GRM1: variants seen among roughly 807,000 people sequenced by gnomAD.
The protein encoded by GRM1 is metabotropic glutamate receptor 1.
In GRM1, 33 loss-of-function variants were observed where a neutral mutation model predicts 90.9. The observed-to-expected ratio is 0.36, with a 90% CI of 0.28 to 0.49. GRM1 has a LOEUF of 0.49. Ranked by LOEUF, GRM1 falls within the 20% of genes least tolerant of loss-of-function variation. The probability of loss-of-function intolerance (pLI) is 0.99; values close to 1 mark genes in which losing one functional copy is unlikely to be tolerated. For missense variants in GRM1, 1,190 were observed against 1,534.3 expected (o/e 0.78, Z 3.75); for synonymous variants, 700 against 613.2 (o/e 1.14, Z -2.09).
At chr6:146,254,771 A>G (rs1781425829) in intron 2 of GRM1, among the ~76,000 whole-genome samples, 1 of 152,224 alleles carries the variant, frequency 6.6e-6, no homozygotes, top group Admixed American at 6.5e-5. Flanking sequence ...TGTATATAAT[A>G]TTAGTACATT....
At chr6:146,329,034 GACCATCTGTT>G (rs1211127593) in intron 3 of GRM1, among the ~76,000 whole-genome samples, 1 of 152,094 alleles carries the variant, frequency 6.6e-6, no homozygotes, top group Non-Finnish European at 1.5e-5. Context: ...CACACCCTGG[GACCATCTGTT>G]ACCATCTGTT....
At chr6:146,239,954 C>G (rs1780792589) in intron 2 of GRM1, among the ~76,000 whole-genome samples, 1 of 152,094 alleles carries the variant, frequency 6.6e-6, no homozygotes, top group South Asian at 2.1e-4. Flanking sequence ...AGCACAAGCT[C>G]TTGGGTCACC....
chr6:146,268,647 C>A (rs1208301336), intron 2 of GRM1, among the ~76,000 whole-genome samples: 2 of 152,226 alleles, frequency 1.3e-5, no homozygotes, highest in African/African-American at 4.8e-5. Flanking sequence ...AGTCAGCTCA[C>A]ATACTACCTC....
intron 1 of GRM1, among the ~76,000 whole-genome samples, chr6:146,058,514 G>A (rs141507882): frequency 5.2e-4 from 79 of 152,214 alleles, no homozygotes; most frequent in Non-Finnish European, 9.6e-4. Context: ...TGGTGGCTGA[G>A]GTCTTGCCTT....
rs1775405789 is a variant in GRM1 at position 146,108,294 on chromosome 6, A to G, written c.701-51054A>G. On this transcript the variant is annotated intron_variant, in intron 1 of 7. Coordinates refer to ENST00000282753, the MANE Select transcript of GRM1 (RefSeq NM_001278064.2). ...TGTCCCCACCCTAATCTCATCTTGA[A>G]TTGTAACTCCCACAATTCCCATGTG... Among the ~76,000 whole-genome samples the G allele has an allele frequency of 2.0e-5, 3 of 152,188 alleles. No individual in the cohort carries two copies. The South Asian group carries it at 6.2e-4, about 31-fold the overall frequency.
chr6:146,260,333 A>T (rs1781643139), intron 2 of GRM1, among the ~76,000 whole-genome samples: 1 of 152,062 alleles, frequency 6.6e-6, no homozygotes, highest in South Asian at 2.1e-4. Flanking sequence ...ACATGAACTC[A>T]TCCTTTTTTA....
intron 3 of GRM1, among the ~76,000 whole-genome samples, chr6:146,323,556 A>T (rs978090312): frequency 2.0e-5 from 3 of 152,042 alleles, no homozygotes; most frequent in African/African-American, 7.2e-5. Context: ...GTTCACTCTG[A>T]TGGTAGTTTC....
At chr6:146,114,938 A>G (rs550577360) in intron 1 of GRM1, among the ~76,000 whole-genome samples, 27 of 152,256 alleles carry the variant, frequency 1.8e-4, no homozygotes, top group Non-Finnish European at 3.1e-4. Flanking sequence ...TACTGTGGAT[A>G]TAAGGTTTAT....
intron 7 of GRM1, among the ~76,000 whole-genome samples, chr6:146,423,984 C>CA (rs1177630352): frequency 2.6e-5 from 4 of 152,176 alleles, no homozygotes; most frequent in Non-Finnish European, 5.9e-5. Flanking sequence ...TCCCACCAGA[C>CA]ACGGCCATCC....
At chr6:146,337,798 G>T (rs1159513879) in intron 3 of GRM1, among the ~76,000 whole-genome samples, 1 of 152,098 alleles carries the variant, frequency 6.6e-6, no homozygotes, top group African/African-American at 2.4e-5. Context: ...TTAAAATAAT[G>T]AGGCCACAAA....
At chr6:146,249,099 A>G (rs1781179863) in intron 2 of GRM1, among the ~76,000 whole-genome samples, 1 of 152,232 alleles carries the variant, frequency 6.6e-6, no homozygotes, top group African/African-American at 2.4e-5. Context: ...GGTTGAAATT[A>G]GAACTTATGT....
chr6:146,281,624 A>G (rs1425011866), intron 2 of GRM1, among the ~76,000 whole-genome samples: 1 of 152,236 alleles, frequency 6.6e-6, no homozygotes, highest in Non-Finnish European at 1.5e-5. Flanking sequence ...CTTGTGGTAC[A>G]TTATATGTAA....
chr6:146,353,780 C>T (rs1785485926), intron 4 of GRM1, among the ~76,000 whole-genome samples: 1 of 152,176 alleles, frequency 6.6e-6, no homozygotes. Flanking sequence ...CAGGTGTGCA[C>T]CACCACACCT....
At chr6:146,352,625 A>C (rs1490302369) in intron 4 of GRM1, 129 bp downstream of exon 4, 1 of 880,574 alleles carries the variant, frequency 1.1e-6, no homozygotes, top group African/African-American at 1.6e-5. Flanking sequence ...GGTAGCAAAA[A>C]GTCCAGGGAT....
At chr6:146,267,631 G>GGCTGGGCTGC (rs1781943833) in intron 2 of GRM1, among the ~76,000 whole-genome samples, 1 of 137,610 alleles carries the variant, frequency 7.3e-6, no homozygotes, top group Non-Finnish European at 1.5e-5. Context: ...GGCTGGGCTG[G>GGCTGGGCTGC]GCTGGGCTGC....
intron 1 of GRM1, among the ~76,000 whole-genome samples, chr6:146,041,976 C>T (rs1310520028): frequency 6.6e-6 from 1 of 151,926 alleles, no homozygotes; most frequent in Non-Finnish European, 1.5e-5. Context: ...AAGATGGTGT[C>T]TTGTTACTGC....
rs558176003 is a variant in GRM1 at position 146,429,777 on chromosome 6, G to A, written c.2661-4095G>A. ...TTGCTGGGACTCAATGGTGTTTTCCGTTTCCATTTTCACTTTCAGAGAAAA... is the reference window on the plus strand; with the variant it reads ...TTGCTGGGACTCAATGGTGTTTTCCATTTCCATTTTCACTTTCAGAGAAAA... On this transcript the variant is annotated intron_variant, in intron 7 of 7. Coordinates refer to ENST00000282753, the MANE Select transcript of GRM1 (RefSeq NM_001278064.2). 1.3e-4 allele frequency among the ~76,000 whole-genome samples: 20 copies of A among 152,118 alleles called. No homozygotes were observed. In the East Asian group the frequency reaches 2.1e-3, roughly 16 times the overall value.
chr6:146,314,513 C>G (rs562198276), intron 3 of GRM1, among the ~76,000 whole-genome samples: 18 of 152,208 alleles, frequency 1.2e-4, no homozygotes, highest in African/African-American at 3.4e-4. Context: ...TAAGCATATT[C>G]TTTCATTTTT....
At chr6:146,158,167 G>A (rs1777585965) in intron 1 of GRM1, among the ~76,000 whole-genome samples, 2 of 152,124 alleles carry the variant, frequency 1.3e-5, no homozygotes, top group Non-Finnish European at 2.9e-5. Flanking sequence ...TGTAGACATG[G>A]AATAGGTAGA....
Sources: allele counts gnomAD v4.1 joint callset (sites outside exome capture counted in the v4.1 genomes callset), GRCh38; gene constraint gnomAD v4.1.1; transcripts MANE v1.5; gene names NCBI Gene and HGNC (gene_info 2026-07-23, HGNC 2026-07-21).